The following ZNF474 variants were observed in gnomAD, a reference collection of about 807,000 sequenced individuals.
ZNF474 encodes 4933409D10Rik.
For synonymous variants in ZNF474, 192 were observed against 162.2 expected, an observed-to-expected ratio of 1.18 and a Z score of -1.39; for missense variants, 511 against 433.8, an observed-to-expected ratio of 1.18 and a Z score of -1.58.
chr5:122,145,814 C>A (rs1304186779), intron 1 of ZNF474, among the ~76,000 whole-genome samples: 1 of 152,084 alleles, frequency 6.6e-6, no homozygotes, highest in African/African-American at 2.4e-5. Context: ...AAGTAATATG[C>A]AGCTTGAATA....
At chr5:122,132,872 A>C (rs111443530) in intron 1 of ZNF474, among the ~76,000 whole-genome samples, 1,938 of 152,308 alleles carry the variant, frequency 0.013, 23 homozygotes, top group Non-Finnish European at 0.02. Context: ...TGGCATATTA[A>C]TTTTAATAAG....
rs746974279 is a variant in ZNF474, at chr5:122,152,157, C to G, written c.167C>G (p.Thr56Arg). ...GTTAATCCTGGTGAAAATATAAAGA[C>G]AGACACTCAGAAAAAGAGACCTGGG... is the stretch of plus-strand genomic sequence containing the variant. ...ESVNPGENIK[T>R]DTQKKRPGTV... The change falls in exon 2 of 2, where the codon ACA becomes AGA. Residue 56 changes from threonine to arginine, a missense_variant. By Grantham distance (71) the Thr-to-Arg change is moderately conservative (BLOSUM62 -1). Coordinates refer to ENST00000296600, the MANE Select transcript of ZNF474 (RefSeq NM_207317.3). 6.2e-7 allele frequency: 1 copy of G among 1,614,140 alleles called. No individual in the cohort carries two copies. Among genetic ancestry groups the G allele is most frequent in the South Asian group, 1.1e-5 (1 of 91,084 alleles).
chr5:122,140,886 G>C (rs553683619), intron 1 of ZNF474, among the ~76,000 whole-genome samples: 15 of 152,116 alleles, frequency 9.9e-5, no homozygotes, highest in Admixed American at 9.2e-4. Context: ...TTTTATCCTT[G>C]CTTTGCTCAT....
At chr5:122,132,314 C>T (rs1284218788) in intron 1 of ZNF474, among the ~76,000 whole-genome samples, 1 of 151,924 alleles carries the variant, frequency 6.6e-6, no homozygotes, top group African/African-American at 2.4e-5. Context: ...TTTTTGTGGA[C>T]ATATACTTTC....
rs1214718314 is a variant in ZNF474, at chr5:122,151,941, T to C, written c.-50T>C. ...CTTCACTCTAAGCAGAAGCCCAAAG[T>C]GAGTCTGGCCTGAAATCAGAGCAAG... is the stretch of plus-strand genomic sequence containing the variant. On this transcript the variant is annotated 5_prime_UTR_variant, in exon 2 of 2. Coordinates refer to ENST00000296600, the MANE Select transcript of ZNF474 (RefSeq NM_207317.3). The C allele has an allele frequency of 1.9e-6, 3 of 1,557,198 alleles. No individual in the cohort carries two copies. Among genetic ancestry groups the C allele is most frequent in the Admixed American group, 1.9e-5 (1 of 51,750 alleles).
chr5:122,140,383 A>C (rs1755808140), intron 1 of ZNF474, among the ~76,000 whole-genome samples: 2 of 152,342 alleles, frequency 1.3e-5, no homozygotes, highest in South Asian at 4.1e-4. Context: ...ATAGTTCTGC[A>C]AAATGTTACC....
chr5:122,139,935 A>T (rs922438951), intron 1 of ZNF474, among the ~76,000 whole-genome samples: 3 of 152,210 alleles, frequency 2.0e-5, no homozygotes, highest in South Asian at 4.1e-4. Context: ...CACAGTGGAC[A>T]GGAAAGGTAA....
In ZNF474 at chr5:122,135,312, T is replaced by G. The variant is rs565578414; in HGVS notation, c.-213+5629T>G. On this transcript the variant is annotated intron_variant, in intron 1 of 1. Coordinates refer to ENST00000296600, the MANE Select transcript of ZNF474 (RefSeq NM_207317.3). ...TATCAAGACTTCATCTCAAAAAATT[T>G]TTTTAATTAGAAAAAAATTAAAAAT... is the stretch of plus-strand genomic sequence containing the variant. Among the ~76,000 whole-genome samples, 5 of 152,292 alleles carry G rather than the reference T, an allele frequency of 3.3e-5. No individual in the cohort carries two copies. The South Asian group carries it at 1.0e-3, about 32-fold the overall frequency.
chr5:122,130,080 T>C (rs1433997816), intron 1 of ZNF474, among the ~76,000 whole-genome samples: 2 of 152,164 alleles, frequency 1.3e-5, no homozygotes, highest in African/African-American at 4.8e-5. Flanking sequence ...TTAACATTAA[T>C]TCAGAACTAT....
intron 1 of ZNF474, among the ~76,000 whole-genome samples, chr5:122,134,824 A>C (rs985114137): frequency 2.6e-5 from 4 of 152,204 alleles, no homozygotes; most frequent in African/African-American, 9.6e-5. Context: ...TGAAACTCTT[A>C]TCTCTCTCCA....
chr5:122,151,185 T>G (rs979583881), intron 1 of ZNF474, among the ~76,000 whole-genome samples: 1 of 152,206 alleles, frequency 6.6e-6, no homozygotes, highest in African/African-American at 2.4e-5. Flanking sequence ...TTAAAATGTA[T>G]ATCACAACTA....
chr5:122,144,245 T>A (rs1408908654), intron 1 of ZNF474, among the ~76,000 whole-genome samples: 1 of 152,224 alleles, frequency 6.6e-6, no homozygotes, highest in Non-Finnish European at 1.5e-5. Context: ...AACAATTATA[T>A]CCTAGAAGAC....
intron 1 of ZNF474, among the ~76,000 whole-genome samples, chr5:122,135,568 A>T (rs578232044): frequency 6.6e-6 from 1 of 152,328 alleles, no homozygotes; most frequent in South Asian, 2.1e-4. Flanking sequence ...TACAGCCACT[A>T]TGAACAGTAT....
In ZNF474 at chr5:122,130,325, C is replaced by G. The variant is rs534276665; in HGVS notation, c.-213+642C>G. 5.9e-5 allele frequency among the ~76,000 whole-genome samples: 9 copies of G among 152,250 alleles called. No individual in the cohort carries two copies. The East Asian group carries it at 1.7e-3, about 29-fold the overall frequency. ...ACATTTATTTCACCCTGGAATGTTTCCTCACATCCTTTCCAGCCAATCTTC... is the reference window on the plus strand; with the variant it reads ...ACATTTATTTCACCCTGGAATGTTTGCTCACATCCTTTCCAGCCAATCTTC... On this transcript the variant is annotated intron_variant, in intron 1 of 1. Coordinates refer to ENST00000296600, the MANE Select transcript of ZNF474 (RefSeq NM_207317.3).
chr5:122,129,877 T>C (rs1216142308), intron 1 of ZNF474, among the ~76,000 whole-genome samples, 194 bp downstream of exon 1: 2 of 152,172 alleles, frequency 1.3e-5, no homozygotes, highest in Admixed American at 6.5e-5. Flanking sequence ...ATAATAATAA[T>C]AATTAGTTCT....
chr5:122,141,099 TA>T (rs1755827862), intron 1 of ZNF474, among the ~76,000 whole-genome samples: 7 of 22,474 alleles, frequency 3.1e-4, no homozygotes, highest in African/African-American at 5.0e-4. Flanking sequence ...TTTTATTTTT[TA>T]TTTTATTTTA....
At chr5:122,133,716 T>C (rs1353532623) in intron 1 of ZNF474, among the ~76,000 whole-genome samples, 1 of 152,082 alleles carries the variant, frequency 6.6e-6, no homozygotes, top group Non-Finnish European at 1.5e-5. Context: ...TGCACCACCA[T>C]GCCTGGCTAA....
intron 1 of ZNF474, among the ~76,000 whole-genome samples, chr5:122,134,614 A>G (rs1003026224): frequency 2.0e-5 from 3 of 152,204 alleles, no homozygotes; most frequent in Non-Finnish European, 4.4e-5. Flanking sequence ...AAAAGAGCTG[A>G]ACGATGGCCA....
At chr5:122,149,885 C>T in intron 1 of ZNF474, among the ~76,000 whole-genome samples, 1 of 141,482 alleles carries the variant, frequency 7.1e-6, no homozygotes, top group Non-Finnish European at 1.5e-5. Flanking sequence ...AGAATTGACT[C>T]TGTGTGTGTG....
Sources: gnomAD v4.1 joint callset for allele counts (sites outside exome capture counted in the v4.1 genomes callset) on GRCh38, gnomAD v4.1.1 for gene constraint, MANE v1.5 for transcripts, NCBI Gene and HGNC (gene_info 2026-07-23, HGNC 2026-07-21) for gene names.